Variants in NUP42 observed in about 807,000 individuals in gnomAD.
NUP42 encodes nucleoporin 42, also known as nucleoporin NUP42.
In NUP42, 47 loss-of-function variants were observed where a neutral mutation model predicts 35.9. The ratio of observed to expected loss-of-function variants is 1.31; its 90% CI spans 1.04 to 1.67. The LOEUF is 1.67. Among genes scored for constraint, NUP42 ranks in the 40% most tolerant of loss-of-function variants. NUP42 has a pLI of 0.00. For synonymous variants in NUP42, 173 were observed against 173.3 expected, an observed-to-expected ratio of 1.00 and a Z score of 0.01; for missense variants, 514 against 492.2, an observed-to-expected ratio of 1.04 and a Z score of -0.42.
Position 23,182,084 on chromosome 7 carries a change from C to T in NUP42, c.-2C>T, listed in dbSNP as rs1468994743. The T allele has an allele frequency of 1.2e-6, 2 of 1,613,764 alleles. No homozygotes were observed. The highest frequency in any genetic ancestry group is 2.7e-5 in the African/African-American group (2 of 74,952). ...ACGCCCTCCGTCAGCGACGCCGTCG[C>T]AATGGCCATTTGTCAATTCTTCCTT... On this transcript the variant is annotated 5_prime_UTR_variant, in exon 1 of 7. Coordinates refer to ENST00000258742, the MANE Select transcript of NUP42 (RefSeq NM_007342.3).
At chr7:23,199,600 T>G (rs535663890) in intron 6 of NUP42, 58 bp downstream of exon 6, 1 of 1,401,084 alleles carries the variant, frequency 7.1e-7, no homozygotes, top group East Asian at 2.3e-5. Flanking sequence ...TTTTATAGGT[T>G]TCAAATTACA....
In NUP42 at chr7:23,200,460, A is replaced by C. The variant is rs747435974; in HGVS notation, c.987A>C (p.Arg329Ser). ...CTTCCTTGGCAACAGGTCCTGTCAG[A>C]GCTCCAGTGGCCCCAGCCTTTGGAG... Reference protein sequence around the residue: ...LPASLATGPVRAPVAPAFGGG... With the variant: ...LPASLATGPVSAPVAPAFGGG... The change falls in exon 7 of 7, where the codon AGA (arginine) becomes AGC (serine). Residue 329 changes from arginine (R) to serine (S), a missense_variant. Physicochemically the swap from Arg to Ser is moderately radical, Grantham distance 110. Coordinates refer to ENST00000258742, the MANE Select transcript of NUP42 (RefSeq NM_007342.3). 2 of 1,614,186 alleles carry C rather than the reference A, an allele frequency of 1.2e-6. No individual in the cohort carries two copies. The highest frequency in any genetic ancestry group is 2.2e-5 in the South Asian group (2 of 91,086).
intron 3 of NUP42, chr7:23,195,609 C>T: frequency 2.6e-6 from 1 of 390,486 alleles, no homozygotes; most frequent in Non-Finnish European, 4.5e-6. Flanking sequence ...CATTCTACGC[C>T]ACTTATCTTT....
chr7:23,196,866 A>T (rs920515010), intron 5 of NUP42, 100 bp downstream of exon 5: 4 of 773,188 alleles, frequency 5.2e-6, no homozygotes, highest in South Asian at 3.1e-5. Flanking sequence ...AAAATTTTCT[A>T]TCAAGAATTA....
At chr7:23,183,521 TCA>T (rs1785487179) in intron 1 of NUP42, among the ~76,000 whole-genome samples, 1 of 152,114 alleles carries the variant, frequency 6.6e-6, no homozygotes, top group Non-Finnish European at 1.5e-5. Context: ...GCGGCGGGCC[TCA>T]TCTAACCTTT....
At chr7:23,193,551 G>A (rs1439541279) in intron 3 of NUP42, among the ~76,000 whole-genome samples, 2 of 152,166 alleles carry the variant, frequency 1.3e-5, no homozygotes, top group East Asian at 3.9e-4. Flanking sequence ...GGTGCTGATT[G>A]GTGTGTTTAC....
chr7:23,188,260 T>C (rs1209463551), intron 3 of NUP42: 1 of 1,237,472 alleles, frequency 8.1e-7, no homozygotes, highest in Non-Finnish European at 1.0e-6. Context: ...CTTGTCCATT[T>C]AACAAATATT....
At chr7:23,195,353 T>C (rs1785977102) in intron 3 of NUP42, 1 of 152,416 alleles carries the variant, frequency 6.6e-6, no homozygotes, top group Non-Finnish European at 1.5e-5. Flanking sequence ...ATTTACTATT[T>C]GATTTTTTTT....
chr7:23,184,433 A>T (rs757054399), intron 1 of NUP42, among the ~76,000 whole-genome samples: 1 of 152,218 alleles, frequency 6.6e-6, no homozygotes. Flanking sequence ...TTTATGATGC[A>T]TGCCTTCTGT....
intron 3 of NUP42, chr7:23,187,944 CT>C: frequency 3.4e-6 from 1 of 295,028 alleles, no homozygotes; most frequent in Non-Finnish European, 6.6e-6. Flanking sequence ...CTGTCTCTCT[CT>C]CTCTCTCTGG....
At chr7:23,197,463 A>G (rs894888941) in intron 5 of NUP42, among the ~76,000 whole-genome samples, 2 of 152,224 alleles carry the variant, frequency 1.3e-5, no homozygotes, top group Admixed American at 1.3e-4. Context: ...CTGAATAACT[A>G]GACTCTTGTG....
chr7:23,192,388 A>G (rs530483619), intron 3 of NUP42, among the ~76,000 whole-genome samples: 88 of 152,124 alleles, frequency 5.8e-4, no homozygotes, highest in African/African-American at 2.1e-3. Flanking sequence ...TACTAAAAAT[A>G]CAAAAAAAAT....
intron 1 of NUP42, among the ~76,000 whole-genome samples, chr7:23,182,927 GAAAGA>G (rs924641977): frequency 4.0e-5 from 6 of 149,968 alleles, no homozygotes; most frequent in Non-Finnish European, 7.4e-5. Context: ...AAAAAAGAAA[GAAAGA>G]AAAGAAAAAA....
At position 23,182,190 on chromosome 7, in the gene NUP42, G is replaced by T; in HGVS notation, c.105G>T (p.Pro35=). Residue 35 remains proline, a synonymous_variant, in exon 1 of 7, where the codon CCG becomes CCT. Transcript: ENST00000258742. The part of the protein sequence containing the change: ...ARGAGGGRQQ[P]QQQPSGNNRR... ...GTGCAGGAGGAGGACGGCAGCAACCGCAGCAGCAGCCTTCAGGTGACTCTC... is the reference window on the plus strand; with the variant it reads ...GTGCAGGAGGAGGACGGCAGCAACCTCAGCAGCAGCCTTCAGGTGACTCTC... The T allele has an allele frequency of 6.2e-7, 1 of 1,611,678 alleles. No homozygotes were observed. The highest frequency in any genetic ancestry group is 8.5e-7 in the Non-Finnish European group (1 of 1,178,910).
At chr7:23,200,037 C>A (rs750345302) in intron 6 of NUP42, 131 bp from the exon 7 acceptor site, 2 of 672,886 alleles carry the variant, frequency 3.0e-6, no homozygotes, top group Non-Finnish European at 4.9e-6. Flanking sequence ...TCATCTCGTC[C>A]GTCCAGTAAG....
At chr7:23,186,977 G>T in intron 2 of NUP42, 75 bp from the exon 3 acceptor site, 1 of 993,426 alleles carries the variant, frequency 1.0e-6, no homozygotes. Context: ...TTCAGTTGTG[G>T]AAAACCATTA....
At chr7:23,182,243 G>C in intron 1 of NUP42, 37 bp downstream of exon 1, 1 of 1,569,872 alleles carries the variant, frequency 6.4e-7, no homozygotes, top group East Asian at 2.4e-5. Context: ...TAACCGAGCC[G>C]GGAAGGGTCC....
rs769108678 is a variant in NUP42, at chr7:23,182,090, C to T, written c.5C>T (p.Ala2Val). 1.2e-6 allele frequency: 2 copies of T among 1,613,856 alleles called. No individual in the cohort carries two copies. The highest frequency in any genetic ancestry group is 3.3e-5 in the Admixed American group (2 of 60,012). MAICQFFLQGRC... is the reference protein window; with the variant it reads MVICQFFLQGRC... ...TCCGTCAGCGACGCCGTCGCAATGG[C>T]CATTTGTCAATTCTTCCTTCAAGGC... The change falls in exon 1 of 7, where the codon GCC (alanine) becomes GTC (valine). Residue 2 changes from alanine to valine, a missense_variant. Coordinates refer to ENST00000258742, the MANE Select transcript of NUP42 (RefSeq NM_007342.3).
intron 3 of NUP42, chr7:23,188,433 A>C: frequency 1.0e-6 from 1 of 985,446 alleles, no homozygotes; most frequent in Non-Finnish European, 1.2e-6. Context: ...GAAACCACAA[A>C]GTATTAAGCC....
Sources: allele counts gnomAD v4.1 joint callset (sites outside exome capture counted in the v4.1 genomes callset), GRCh38; gene constraint gnomAD v4.1.1; transcripts MANE v1.5; gene names NCBI Gene and HGNC (gene_info 2026-07-23, HGNC 2026-07-21).